Variants in COL5A1 observed in about 807,000 individuals in gnomAD.
The protein encoded by COL5A1 is collagen alpha-1(V) chain.
In COL5A1, 16 loss-of-function variants were observed where a neutral mutation model predicts 263.7. The observed-to-expected ratio is 0.06, with a 90% CI of 0.04 to 0.09. COL5A1 has a LOEUF of 0.09. COL5A1 is among the 10% of genes least tolerant of loss of function. The pLI is 1.00. For missense variants in COL5A1, 2,036 were observed against 2,540.5 expected (o/e 0.80, Z 4.27); for synonymous variants, 1,012 against 1,004.5 (o/e 1.01, Z -0.14).
intron 32 of COL5A1, among the ~76,000 whole-genome samples, chr9:134,792,792 T>TGTGCATGTGTGC (rs1012271653): frequency 1.5e-5 from 2 of 137,386 alleles, no homozygotes; most frequent in African/African-American, 3.0e-5. Flanking sequence ...CATATGTGTG[T>TGTGCATGTGTGC]GTGCATGTGT....
In COL5A1 at chr9:134,812,469, C is replaced by G. The variant is rs763583510; in HGVS notation, c.3711C>G (p.Gly1237=). ...VGLQGLPGPP[G]EKGETGDVGQ... is the part of the protein sequence containing the mutation. ...CTCAGGGTTTGCCAGGACCTCCAGG[C>G]GAGAAGGGTGAGACAGGAGACGTGG... The change falls in exon 47 of 66, where the codon GGC becomes GGG. Residue 1237 remains glycine (G), a synonymous_variant. Coordinates refer to ENST00000371817, the MANE Select transcript of COL5A1 (RefSeq NM_000093.5). 4 of 1,613,898 alleles carry G rather than the reference C, an allele frequency of 2.5e-6. No individual in the cohort carries two copies. The African/African-American group carries it at 4.0e-5, about 16-fold the overall frequency.
chr9:134,808,112 C>T (rs1224715056), intron 42 of COL5A1, among the ~76,000 whole-genome samples: 1 of 152,132 alleles, frequency 6.6e-6, no homozygotes, highest in African/African-American at 2.4e-5. Context: ...AATAGGAGCT[C>T]AGTTTGAGGA....
rs774464652 is a variant in COL5A1, at chr9:134,822,138, C to T, written c.4596C>T (p.Pro1532=). ...CTGGCCCGATTGGGCCTCCTGGGCC[C>T]CCTGGCCTGCCGGTGTGTATCTGGG... The part of the protein sequence containing the change: ...GPSGPIGPPG[P]PGLPGPPGPK... Residue 1532 remains proline (P), a synonymous_variant, in exon 59 of 66, where the codon CCC becomes CCT. Coordinates refer to ENST00000371817, the MANE Select transcript of COL5A1 (RefSeq NM_000093.5). The T allele has an allele frequency of 5.0e-6, 8 of 1,613,636 alleles. No individual in the cohort carries two copies. Among genetic ancestry groups the T allele is most frequent in the East Asian group, 4.5e-5 (2 of 44,892 alleles).
At chr9:134,706,349 C>A (rs938279226) in intron 4 of COL5A1, among the ~76,000 whole-genome samples, 3 of 152,180 alleles carry the variant, frequency 2.0e-5, no homozygotes, top group Admixed American at 6.5e-5. Flanking sequence ...TGGGCTCCCC[C>A]CAGTGCAGGA....
At chr9:134,777,663 G>T (rs1047751240) in intron 27 of COL5A1, among the ~76,000 whole-genome samples, 17 of 152,204 alleles carry the variant, frequency 1.1e-4, no homozygotes, top group African/African-American at 4.1e-4. Flanking sequence ...GGGGTCTCAG[G>T]AGGCTGCGGT....
chr9:134,830,881 C>T (rs776495107), intron 64 of COL5A1, among the ~76,000 whole-genome samples: 2 of 152,200 alleles, frequency 1.3e-5, no homozygotes, highest in Non-Finnish European at 2.9e-5. Context: ...CTAGGAACCC[C>T]ACCGGAGTTT....
intron 11 of COL5A1, among the ~76,000 whole-genome samples, chr9:134,743,982 C>T (rs1310254222): frequency 2.0e-5 from 3 of 152,188 alleles, no homozygotes; most frequent in Non-Finnish European, 2.9e-5. Flanking sequence ...ATGCCATCCC[C>T]TCCCCATGGC....
intron 36 of COL5A1, 46 bp downstream of exon 36, chr9:134,796,947 AAAACCCACCTGTCC>A: frequency 7.5e-6 from 2 of 268,244 alleles, no homozygotes; most frequent in Non-Finnish European, 9.6e-6. Context: ...TGTCCCCTCC[AAAACCCACCTGTCC>A]CCTCCAAAAC....
chr9:134,808,745 C>T (rs1838399089), intron 42 of COL5A1, among the ~76,000 whole-genome samples: 1 of 152,144 alleles, frequency 6.6e-6, no homozygotes, highest in Admixed American at 6.5e-5. Context: ...TGTGTGTGTG[C>T]AGGGAGAGTG....
intron 11 of COL5A1, among the ~76,000 whole-genome samples, chr9:134,747,695 ATG>A (rs1236287882): frequency 2.0e-5 from 3 of 151,566 alleles, no homozygotes; most frequent in Non-Finnish European, 2.9e-5. Context: ...ATGCAAACAC[ATG>A]CACACATGCA....
intron 4 of COL5A1, among the ~76,000 whole-genome samples, chr9:134,710,092 G>A (rs889305095): frequency 2.0e-5 from 3 of 152,194 alleles, no homozygotes; most frequent in Admixed American, 6.5e-5. Flanking sequence ...CCAGCCCTCC[G>A]CCCATCCTTC....
intron 64 of COL5A1, among the ~76,000 whole-genome samples, chr9:134,832,518 G>C (rs1839678709): frequency 6.6e-6 from 1 of 152,216 alleles, no homozygotes; most frequent in Admixed American, 6.5e-5. Flanking sequence ...GGAGAGCAGG[G>C]CCTCACTGTG....
At chr9:134,664,521 G>A (rs1832300825) in intron 1 of COL5A1, among the ~76,000 whole-genome samples, 1 of 152,148 alleles carries the variant, frequency 6.6e-6, no homozygotes, top group Non-Finnish European at 1.5e-5. Flanking sequence ...ACACCAAGAT[G>A]GCCGACACAC....
intron 4 of COL5A1, among the ~76,000 whole-genome samples, chr9:134,721,402 G>T (rs922250368): frequency 6.6e-6 from 1 of 151,910 alleles, no homozygotes; most frequent in East Asian, 1.9e-4. Flanking sequence ...TGTGCCTCTC[G>T]TCACCCCATG....
At chr9:134,745,033 G>A (rs913592265) in intron 11 of COL5A1, among the ~76,000 whole-genome samples, 2 of 152,224 alleles carry the variant, frequency 1.3e-5, no homozygotes, top group African/African-American at 4.8e-5. Flanking sequence ...CCAGCAGCCT[G>A]GTCGTGAATG....
At chr9:134,654,327 GT>G (rs1199745366) in intron 1 of COL5A1, among the ~76,000 whole-genome samples, 29 of 132,466 alleles carry the variant, frequency 2.2e-4, no homozygotes, top group Non-Finnish European at 2.9e-4. Flanking sequence ...TAGGGCTGGG[GT>G]GTGTGTAGGG....
intron 31 of COL5A1, 136 bp downstream of exon 31, chr9:134,786,184 A>G (rs947783434): frequency 2.4e-6 from 2 of 845,076 alleles, no homozygotes; most frequent in Non-Finnish European, 3.9e-6. Context: ...TGGCCATGTT[A>G]CGTGTCCTGG....
In COL5A1 at chr9:134,752,633, A is replaced by C. The variant is rs778302552; in HGVS notation, c.1707A>C (p.Arg569Ser). Residue 569 changes from arginine to serine, a missense_variant, in exon 14 of 66, where the codon AGA becomes AGC. Arg to Ser is a moderately radical substitution (Grantham distance 110, BLOSUM62 -1). Coordinates refer to ENST00000371817, the MANE Select transcript of COL5A1 (RefSeq NM_000093.5). ...GPAGPMGLTG[R>S]PGPVGPPGSG... ...CTGGCCCGATGGGTCTCACAGGGAG[A>C]CCTGGCCCTGTGGTAAGTCATTGGC... 1.2e-6 allele frequency: 2 copies of C among 1,613,112 alleles called. No individual in the cohort carries two copies. Among genetic ancestry groups the C allele is most frequent in the Non-Finnish European group, 1.7e-6 (2 of 1,179,352 alleles).
intron 31 of COL5A1, among the ~76,000 whole-genome samples, chr9:134,786,580 C>G (rs4072076): frequency 2.6e-5 from 4 of 152,006 alleles, no homozygotes; most frequent in Admixed American, 2.6e-4. Flanking sequence ...ACCTCACCGG[C>G]GATTTGAAGG....
Sources: allele counts gnomAD v4.1 joint callset (sites outside exome capture counted in the v4.1 genomes callset), GRCh38; gene constraint gnomAD v4.1.1; transcripts MANE v1.5; gene names NCBI Gene and HGNC (gene_info 2026-07-23, HGNC 2026-07-21).